Variants in PCDHA9 observed in about 807,000 individuals in gnomAD.
PCDHA9 encodes the protein protocadherin alpha-9.
A neutral mutation model predicts 62.0 loss-of-function variants in PCDHA9; 62 were observed. The ratio of observed to expected loss-of-function variants is 1.00; its 90% CI spans 0.81 to 1.23. PCDHA9 has a LOEUF of 1.23. PCDHA9 is among the 50% of genes most tolerant of loss of function. The pLI is 0.00. For missense variants in PCDHA9, 1,205 were observed against 1,249.8 expected (o/e 0.96, Z 0.54); for synonymous variants, 557 against 567.6 (o/e 0.98, Z 0.27).
intron 1 of PCDHA9, among the ~76,000 whole-genome samples, chr5:140,924,575 T>C (rs1255232429): frequency 6.6e-6 from 1 of 152,078 alleles, no homozygotes; most frequent in East Asian, 1.9e-4. Flanking sequence ...TTTTTAAATG[T>C]TTTCAAATAT....
intron 3 of PCDHA9, among the ~76,000 whole-genome samples, chr5:141,002,672 C>A (rs1301536253): frequency 6.6e-6 from 1 of 152,292 alleles, no homozygotes; most frequent in African/African-American, 2.4e-5. Context: ...AGGACCAAAA[C>A]CTATACGACG....
chr5:140,869,238 G>A (rs1430399840), intron 1 of PCDHA9: 1 of 1,613,534 alleles, frequency 6.2e-7, no homozygotes, highest in African/African-American at 1.3e-5. Flanking sequence ...GCACCTTCGT[G>A]GGCCGCATCG....
At chr5:140,963,303 G>A (rs2153735006) in intron 1 of PCDHA9, among the ~76,000 whole-genome samples, 1 of 152,286 alleles carries the variant, frequency 6.6e-6, no homozygotes, top group South Asian at 2.1e-4. Flanking sequence ...GAGAAAATAA[G>A]AAGCTGTTTG....
intron 3 of PCDHA9, among the ~76,000 whole-genome samples, chr5:140,993,524 A>ACGGG (rs2097569997): frequency 2.0e-5 from 3 of 147,314 alleles, no homozygotes; most frequent in Admixed American, 2.0e-4. Flanking sequence ...AGAGAGAGAC[A>ACGGG]GAGAGAGAGA....
intron 1 of PCDHA9, among the ~76,000 whole-genome samples, chr5:140,899,649 G>T (rs1405894081): frequency 6.6e-6 from 1 of 152,130 alleles, no homozygotes; most frequent in Non-Finnish European, 1.5e-5. Flanking sequence ...CTCTTATTTG[G>T]TTGTGTCTCT....
chr5:140,876,176 TG>T (rs1554168338), intron 1 of PCDHA9: 2 of 1,613,930 alleles, frequency 1.2e-6, no homozygotes, highest in Non-Finnish European at 1.7e-6. Context: ...GTCCTGGATG[TG>T]AATGACAATG....
intron 1 of PCDHA9, chr5:140,883,158 C>A: frequency 2.5e-6 from 4 of 1,613,710 alleles, no homozygotes; most frequent in Non-Finnish European, 3.4e-6. Flanking sequence ...ACCATAAATC[C>A]GAACAATGGA....
chr5:140,934,429 T>C (rs1480259267), intron 1 of PCDHA9, among the ~76,000 whole-genome samples: 1 of 152,194 alleles, frequency 6.6e-6, no homozygotes, highest in African/African-American at 2.4e-5. Context: ...TCAATGCAAG[T>C]GTAAATATAG....
chr5:140,972,515 G>A (rs572041832), intron 1 of PCDHA9, among the ~76,000 whole-genome samples: 1 of 152,166 alleles, frequency 6.6e-6, no homozygotes, highest in South Asian at 2.1e-4. Flanking sequence ...TTTACCCCCA[G>A]TGAGCTTATT....
At chr5:140,933,265 A>G (rs2088994304) in intron 1 of PCDHA9, among the ~76,000 whole-genome samples, 1 of 152,000 alleles carries the variant, frequency 6.6e-6, no homozygotes, top group East Asian at 1.9e-4. Context: ...AGGTTATTAT[A>G]TATTCATTTG....
intron 1 of PCDHA9, chr5:140,882,874 A>G (rs376046205): frequency 1.9e-6 from 3 of 1,614,108 alleles, no homozygotes; most frequent in Non-Finnish European, 2.5e-6. Context: ...CACTGGACAG[A>G]GAGGAAATTC....
At chr5:140,861,581 T>C (rs1243387936) in intron 1 of PCDHA9, 6 of 358,060 alleles carry the variant, frequency 1.7e-5, no homozygotes, top group East Asian at 7.9e-5. Flanking sequence ...AGGTTTTCCA[T>C]GTGGAGGTGA....
At chr5:140,852,213 T>C (rs1221806389) in intron 1 of PCDHA9, 1 of 646,494 alleles carries the variant, frequency 1.5e-6, no homozygotes, top group Non-Finnish European at 2.0e-6. Flanking sequence ...TAAAACAAAA[T>C]ATTTTAATTT....
Position 140,857,399 on chromosome 5 carries a change from G to A in PCDHA9, c.2394+6510G>A, listed in dbSNP as rs375062704. ...GGAGGTGGCCGACGTGAACGACAAC[G>A]CGCCTGCGTTCGCGCAGTCCGAGTA... On this transcript the variant is annotated intron_variant, in intron 1 of 3. Coordinates refer to ENST00000532602, the MANE Select transcript of PCDHA9 (RefSeq NM_031857.2). 3 of 1,598,394 alleles carry A rather than the reference G, an allele frequency of 1.9e-6. No homozygotes were observed. In the African/African-American group the frequency reaches 4.0e-5, roughly 21 times the overall value.
intron 1 of PCDHA9, among the ~76,000 whole-genome samples, chr5:140,896,645 A>G (rs988054711): frequency 1.3e-5 from 2 of 151,728 alleles, no homozygotes; most frequent in African/African-American, 4.8e-5. Context: ...CCAAAGTGCT[A>G]GTATTACAGG....
intron 1 of PCDHA9, among the ~76,000 whole-genome samples, chr5:140,913,960 TA>T (rs201352444): frequency 2.0e-5 from 3 of 152,168 alleles, no homozygotes; most frequent in Non-Finnish European, 2.9e-5. Context: ...ATATCATTTT[TA>T]AAAAAATATT....
intron 3 of PCDHA9, among the ~76,000 whole-genome samples, chr5:141,008,972 C>T (rs1554261973): frequency 6.6e-6 from 1 of 152,148 alleles, no homozygotes; most frequent in African/African-American, 2.4e-5. Context: ...CATTTATAGC[C>T]AAAGTTTAAT....
chr5:140,898,072 G>T (rs1412097602), intron 1 of PCDHA9, among the ~76,000 whole-genome samples: 1 of 152,012 alleles, frequency 6.6e-6, no homozygotes, highest in Non-Finnish European at 1.5e-5. Flanking sequence ...TGAGTTCATT[G>T]TAGATTCTGG....
chr5:140,882,364 C>G (rs1582611912), intron 1 of PCDHA9: 13 of 1,614,244 alleles, frequency 8.1e-6, no homozygotes, highest in Non-Finnish European at 1.1e-5. Flanking sequence ...GCCAGCTCCA[C>G]TACTCCGTCC....
Sources: allele counts gnomAD v4.1 joint callset (sites outside exome capture counted in the v4.1 genomes callset), GRCh38; gene constraint gnomAD v4.1.1; transcripts MANE v1.5; gene names NCBI Gene and HGNC (gene_info 2026-07-23, HGNC 2026-07-21).